Variants in FADS2 observed in about 807,000 individuals in gnomAD.
FADS2 encodes the protein fatty acid desaturase 2, also known as acyl-CoA 6-desaturase.
Under a neutral mutation model 61.2 loss-of-function variants are expected in FADS2, and 18 were observed. The observed-to-expected ratio is 0.29, with a 90% confidence interval of 0.20 to 0.44. FADS2 has a LOEUF of 0.44. Ranked by LOEUF, FADS2 falls within the 20% of genes least tolerant of loss-of-function variation. The pLI is 1.00. For synonymous variants in FADS2, 203 were observed against 223.9 expected, an observed-to-expected ratio of 0.91 and a Z score of 0.83; for missense variants, 322 against 572.7, an observed-to-expected ratio of 0.56 and a Z score of 4.47.
upstream of FADS2, among the ~76,000 whole-genome samples, chr11:61,825,204 A>G (rs1390543896): frequency 6.6e-6 from 1 of 152,208 alleles, no homozygotes; most frequent in African/African-American, 2.4e-5. Flanking sequence ...AAATGGTCCC[A>G]TTATCTATTC....
upstream of FADS2, among the ~76,000 whole-genome samples, chr11:61,824,872 T>C (rs963405426): frequency 6.6e-6 from 1 of 152,120 alleles, no homozygotes; most frequent in African/African-American, 2.4e-5. Context: ...TTTTGTCACA[T>C]GGAGGAGACC....
chr11:61,817,191 C>A (rs2066995217), intron 1 of FADS2: 2 of 174,370 alleles, frequency 1.1e-5, no homozygotes, highest in African/African-American at 5.0e-5. Context: ...GCGGGGTGGC[C>A]GCAGGAAGGG....
chr11:61,831,871 G>T (rs1185378732), intron 1 of FADS2, among the ~76,000 whole-genome samples: 2 of 152,094 alleles, frequency 1.3e-5, no homozygotes, highest in African/African-American at 4.8e-5. Flanking sequence ...TTTCCTTGCT[G>T]TGGGCAAAAG....
upstream of FADS2, among the ~76,000 whole-genome samples, chr11:61,824,342 ACTGCACTCCAGCCTGGGGGATAGAGTG>A (rs2067053048): frequency 6.8e-6 from 1 of 148,098 alleles, no homozygotes; most frequent in Non-Finnish European, 1.5e-5. Context: ...AGATTGCACC[ACTGCACTCCAGCCTGGGGGATAGAGTG>A]AGACTCCATC....
At chr11:61,851,118 T>G (rs1042219910) in intron 5 of FADS2, among the ~76,000 whole-genome samples, 2 of 152,284 alleles carry the variant, frequency 1.3e-5, no homozygotes, top group South Asian at 2.1e-4. Context: ...CAGCTTTAAT[T>G]AGAGGTGTCT....
In FADS2 at chr11:61,860,742, G is replaced by A. The variant is rs556368568; in HGVS notation, c.883-2230G>A. Among the ~76,000 whole-genome samples the A allele has an allele frequency of 7.2e-5, 11 of 152,110 alleles. No homozygotes were observed. In the South Asian group the frequency reaches 1.2e-3, roughly 17 times the overall value. On this transcript the variant is annotated intron_variant, in intron 7 of 11. Coordinates refer to ENST00000278840, the MANE Select transcript of FADS2 (RefSeq NM_004265.4). ...TGAGACCAGCCTGAGCAACATGGGCGAAACCCTGTCTCTACAAAAAGCTGG... is the reference window on the plus strand; with the variant it reads ...TGAGACCAGCCTGAGCAACATGGGCAAAACCCTGTCTCTACAAAAAGCTGG...
upstream of FADS2, among the ~76,000 whole-genome samples, chr11:61,825,409 GGAGTTT>G (rs2067076051): frequency 6.6e-6 from 1 of 152,024 alleles, no homozygotes; most frequent in African/African-American, 2.4e-5. Context: ...CCTGAGGTCA[GGAGTTT>G]GAGACCAGCC....
chr11:61,852,407 C>T (rs763596976), intron 5 of FADS2, among the ~76,000 whole-genome samples: 3 of 152,066 alleles, frequency 2.0e-5, no homozygotes, highest in Non-Finnish European at 2.9e-5. Context: ...ACTACAGGCA[C>T]CCGCCACCAT....
At chr11:61,840,285 T>A in intron 2 of FADS2, 49 bp from the exon 3 acceptor site, 1 of 1,480,352 alleles carries the variant, frequency 6.8e-7, no homozygotes, top group Non-Finnish European at 9.4e-7. Context: ...ATATGTTCCC[T>A]CCAGAGTGGC....
At position 61,816,889 on chromosome 11, in the gene FADS2, C is replaced by T; in HGVS notation, c.141+463C>T. ...CCGCCTGCGCGCCGGGTTTTCAGCA[C>T]CGCAGGGCAGACCGGCGGGCCTCGC... On this transcript the variant is annotated intron_variant, in intron 1 of 11. Transcript: ENST00000257261. This position sits in a 1 kb window ranked among gnomAD's most constrained non-coding sequence, Gnocchi z 7.0. 1 of 1,459,742 alleles carries T rather than the reference C, an allele frequency of 6.9e-7. No individual in the cohort carries two copies. The highest frequency in any genetic ancestry group is 1.3e-5 in the South Asian group (1 of 74,610). 90.4% of individuals were successfully genotyped at this position (1,459,742 alleles called of 1,614,324 possible). A position where few individuals can be genotyped will look rare whatever the true frequency, so the allele number is the denominator to read the frequency against.
intron 8 of FADS2, 106 bp from the exon 9 acceptor site, chr11:61,863,176 C>A: frequency 7.0e-7 from 1 of 1,436,858 alleles, no homozygotes; most frequent in Non-Finnish European, 9.8e-7. Context: ...GACCTCCCAT[C>A]CTGGCCCCTT....
At chr11:61,864,567 T>C (rs1311372277) in intron 10 of FADS2, among the ~76,000 whole-genome samples, 1 of 152,136 alleles carries the variant, frequency 6.6e-6, no homozygotes, top group East Asian at 1.9e-4. Flanking sequence ...CTAATTTTTG[T>C]ATTTTTTAGT....
chr11:61,852,340 A>C (rs1399431964), intron 5 of FADS2, among the ~76,000 whole-genome samples: 1 of 152,188 alleles, frequency 6.6e-6, no homozygotes, highest in East Asian at 1.9e-4. Flanking sequence ...GGTTCACTGC[A>C]GCCTCAACCT....
At chr11:61,838,849 T>C (rs1408993827) in intron 2 of FADS2, among the ~76,000 whole-genome samples, 1 of 152,050 alleles carries the variant, frequency 6.6e-6, no homozygotes, top group Non-Finnish European at 1.5e-5. Context: ...CCTCCTGGCC[T>C]GCGGCTTCCC....
At chr11:61,833,712 G>A (rs1014553158) in intron 1 of FADS2, among the ~76,000 whole-genome samples, 3 of 152,250 alleles carry the variant, frequency 2.0e-5, no homozygotes, top group Non-Finnish European at 4.4e-5. Flanking sequence ...GCAGGTGGCA[G>A]CTGTAGCAAC....
In FADS2 at chr11:61,857,057, A is replaced by G; in HGVS notation, c.791A>G (p.Glu264Gly). ...LKYLPYNHQH[E>G]YFFLIGPPLL... is the part of the protein sequence containing the mutation. ...TACCTGCCCTACAATCACCAGCACG[A>G]ATACTTCTTCCTGAGTGAGTGCTCG... The change falls in exon 6 of 12, where the codon GAA becomes GGA. Residue 264 changes from glutamate to glycine, a missense_variant. Transcript: ENST00000278840. 6.2e-7 allele frequency: 1 copy of G among 1,613,958 alleles called. No individual in the cohort carries two copies. The highest frequency in any genetic ancestry group is 2.2e-5 in the East Asian group (1 of 44,880).
At chr11:61,824,453 AGGGAG>A (rs1565325245), upstream of FADS2, among the ~76,000 whole-genome samples, 4 of 3,586 alleles carry the variant, frequency 1.1e-3, no homozygotes, top group Admixed American at 0.024. Flanking sequence ...GGAGGGAGGG[AGGGAG>A]GGAGAGAGAG....
chr11:61,826,465 C>T, upstream of FADS2: 1 of 665,460 alleles, frequency 1.5e-6, no homozygotes, highest in Middle Eastern at 2.5e-4. Context: ...GCTCCGAGCT[C>T]CACACCCTTT....
At position 61,865,285 on chromosome 11, in the gene FADS2, G is replaced by A; in HGVS notation, c.1283+8G>A. On this transcript the variant is annotated splice_region_variant and intron_variant, in intron 11 of 11. Coordinates refer to ENST00000278840, the MANE Select transcript of FADS2 (RefSeq NM_004265.4). The surrounding 1 kb of genome is among the most constrained non-coding windows in gnomAD (Gnocchi z 4.1). Reference sequence around the variant, plus strand: ...CCTGCTGGACATCATCAGGTGAGGGGTGGAGGTCCACAGGCGCTGGGCCCT... The same window carrying A: ...CCTGCTGGACATCATCAGGTGAGGGATGGAGGTCCACAGGCGCTGGGCCCT... 1.2e-6 allele frequency: 2 copies of A among 1,612,516 alleles called. No individual in the cohort carries two copies. The highest frequency in any genetic ancestry group is 1.3e-5 in the African/African-American group (1 of 75,024).
Sources: gnomAD v4.1 joint callset for allele counts (sites outside exome capture counted in the v4.1 genomes callset) on GRCh38, gnomAD v4.1.1 for gene constraint, Gnocchi (gnomAD v3.1) non-coding constraint, MANE v1.5 for transcripts, NCBI Gene and HGNC (gene_info 2026-07-23, HGNC 2026-07-21) for gene names.